The following CTNNA2 variants were observed in gnomAD, a reference collection of about 807,000 sequenced individuals.
The protein encoded by CTNNA2 is catenin alpha 2.
CTNNA2 carries 42 observed loss-of-function variants against 101.0 expected under a neutral mutation model. The observed-to-expected ratio is 0.42, with a 90% CI of 0.32 to 0.54. The LOEUF (loss-of-function observed/expected upper bound fraction) is 0.54. Ranked by LOEUF, CTNNA2 falls within the 20% of genes least tolerant of loss-of-function variation. The pLI, the probability that CTNNA2 is intolerant of heterozygous loss-of-function variation, is 0.14. For synonymous variants in CTNNA2, 450 were observed against 456.4 expected, an observed-to-expected ratio of 0.99 and a Z score of 0.18; for missense variants, 871 against 1,223.1, an observed-to-expected ratio of 0.71 and a Z score of 4.29.
At chr2:80,064,138 G>A (rs1214041821) in intron 7 of CTNNA2, among the ~76,000 whole-genome samples, 1 of 152,210 alleles carries the variant, frequency 6.6e-6, no homozygotes, top group Non-Finnish European at 1.5e-5. Context: ...TTGTTGCCCA[G>A]TCTTCCATGC....
chr2:80,107,338 C>T (rs1700949165), intron 7 of CTNNA2, among the ~76,000 whole-genome samples: 2 of 152,108 alleles, frequency 1.3e-5, no homozygotes, highest in Admixed American at 1.3e-4. Flanking sequence ...AACAGCTTGA[C>T]TCGAGAGAGG....
intron 7 of CTNNA2, among the ~76,000 whole-genome samples, chr2:80,383,329 T>C (rs1268232685): frequency 2.0e-5 from 3 of 152,152 alleles, no homozygotes; most frequent in Admixed American, 6.5e-5. Flanking sequence ...CTGCTGCCTA[T>C]CCCCAGGTGC....
intron 2 of CTNNA2, among the ~76,000 whole-genome samples, chr2:79,294,455 G>A (rs1026792192): frequency 6.6e-6 from 1 of 152,076 alleles, no homozygotes; most frequent in Non-Finnish European, 1.5e-5. Context: ...ACATGTGAAC[G>A]TGGAGTGGGA....
chr2:80,235,471 A>T (rs1212462109), intron 7 of CTNNA2, among the ~76,000 whole-genome samples: 4 of 152,208 alleles, frequency 2.6e-5, no homozygotes, highest in African/African-American at 9.6e-5. Flanking sequence ...GGTGAGTGGC[A>T]CAGATACTGA....
At chr2:79,792,185 C>T (rs76652185) in intron 3 of CTNNA2, among the ~76,000 whole-genome samples, 6,268 of 152,156 alleles carry the variant, frequency 0.041, 151 homozygotes, top group Middle Eastern at 0.11. Context: ...AGATACAGTT[C>T]TCTATGGATC....
intron 7 of CTNNA2, among the ~76,000 whole-genome samples, chr2:80,098,710 C>T (rs1053476939): frequency 3.9e-5 from 6 of 152,010 alleles, no homozygotes; most frequent in Admixed American, 2.6e-4. Flanking sequence ...AAATGGCAGG[C>T]GCCCCTCCCC....
intron 9 of CTNNA2, among the ~76,000 whole-genome samples, chr2:80,538,297 C>T (rs981186773): frequency 2.6e-5 from 4 of 152,124 alleles, no homozygotes; most frequent in Non-Finnish European, 5.9e-5. Flanking sequence ...GAAGCCTTTG[C>T]CCATGCCTAT....
intron 4 of CTNNA2, among the ~76,000 whole-genome samples, chr2:79,455,194 T>C (rs935688424): frequency 6.6e-6 from 1 of 152,230 alleles, no homozygotes; most frequent in Non-Finnish European, 1.5e-5. Context: ...GCAAACATTA[T>C]TCTTCAATCT....
chr2:79,624,619 T>G (rs527837660), intron 1 of CTNNA2, among the ~76,000 whole-genome samples: 1 of 152,250 alleles, frequency 6.6e-6, no homozygotes, highest in African/African-American at 2.4e-5. Context: ...ACCAGCATCT[T>G]TTTGGTGGTG....
At chr2:79,481,594 TAAAAC>T (rs752750231) in intron 4 of CTNNA2, among the ~76,000 whole-genome samples, 5 of 152,102 alleles carry the variant, frequency 3.3e-5, no homozygotes, top group East Asian at 3.9e-4. Context: ...ACATACAAAA[TAAAAC>T]AAAACAAAAA....
chr2:79,439,762 T>C (rs1183572744), intron 4 of CTNNA2, among the ~76,000 whole-genome samples: 1 of 152,124 alleles, frequency 6.6e-6, no homozygotes, highest in East Asian at 1.9e-4. Flanking sequence ...ACCTGTGAGC[T>C]TGTCAGAAAT....
At chr2:80,012,709 C>T (rs1196722212) in intron 7 of CTNNA2, among the ~76,000 whole-genome samples, 2 of 152,134 alleles carry the variant, frequency 1.3e-5, no homozygotes, top group African/African-American at 4.8e-5. Context: ...TTGTCGATTC[C>T]TCTTCTAGCT....
intron 7 of CTNNA2, among the ~76,000 whole-genome samples, chr2:80,209,960 T>C (rs1465132828): frequency 6.6e-6 from 1 of 152,216 alleles, no homozygotes; most frequent in Admixed American, 6.5e-5. Flanking sequence ...TCAGTAATCC[T>C]ATTTCCTAAG....
In CTNNA2 at chr2:80,081,047, G is replaced by A. The variant is rs77308814; in HGVS notation, c.1056+171250G>A. The stretch of plus-strand genomic sequence containing the variant: ...AACCAGTTATAGAAATGCCGTTTGA[G>A]GAGGGAAGCAAGGAAGCAATAAAAA... On this transcript the variant is annotated intron_variant, in intron 7 of 18. Coordinates refer to ENST00000402739, the MANE Select transcript of CTNNA2 (RefSeq NM_001282597.3). Among the ~76,000 whole-genome samples, 112 of 150,990 alleles carry A rather than the reference G, an allele frequency of 7.4e-4. No homozygotes were observed. In the East Asian group the frequency reaches 0.021, roughly 28 times the overall value.
At chr2:79,198,366 TA>T (rs989121990) in intron 2 of CTNNA2, among the ~76,000 whole-genome samples, 1 of 152,158 alleles carries the variant, frequency 6.6e-6, no homozygotes, top group Non-Finnish European at 1.5e-5. Context: ...TTAATCTAAA[TA>T]AACAACAAAA....
At chr2:79,747,888 C>T (rs1671749382) in intron 3 of CTNNA2, among the ~76,000 whole-genome samples, 1 of 152,166 alleles carries the variant, frequency 6.6e-6, no homozygotes, top group Admixed American at 6.5e-5. Flanking sequence ...GCCACGTGCT[C>T]CTTCTCTTGA....
intron 7 of CTNNA2, among the ~76,000 whole-genome samples, chr2:80,045,205 C>A (rs1184525660): frequency 6.6e-6 from 1 of 152,124 alleles, no homozygotes; most frequent in African/African-American, 2.4e-5. Context: ...CCTTCTGTAT[C>A]TATCTGTGAT....
At chr2:79,840,272 T>C (rs1218835257) in intron 3 of CTNNA2, among the ~76,000 whole-genome samples, 23 of 152,174 alleles carry the variant, frequency 1.5e-4, no homozygotes, top group Admixed American at 1.5e-3. Flanking sequence ...AGAATATAAA[T>C]TTTATCTTAG....
chr2:80,078,568 G>C (rs1698913573), intron 7 of CTNNA2, among the ~76,000 whole-genome samples: 1 of 152,220 alleles, frequency 6.6e-6, no homozygotes, highest in Non-Finnish European at 1.5e-5. Flanking sequence ...ATGGGTTGCA[G>C]ATGTCGCTAT....
Sources: gnomAD v4.1 joint callset for allele counts (sites outside exome capture counted in the v4.1 genomes callset) on GRCh38, gnomAD v4.1.1 for gene constraint, MANE v1.5 for transcripts, NCBI Gene and HGNC (gene_info 2026-07-23, HGNC 2026-07-21) for gene names.